Variants in LRRC4C observed in about 807,000 individuals in gnomAD.
LRRC4C encodes leucine-rich repeat-containing protein 4C.
Under a neutral mutation model 33.6 loss-of-function variants are expected in LRRC4C, and 5 were observed. That is an observed-to-expected ratio of 0.15 (90% confidence interval 0.08 to 0.31). The LOEUF is 0.31. Ranked by LOEUF, LRRC4C falls within the 10% of genes least tolerant of loss-of-function variation. LRRC4C has a pLI of 1.00. For synonymous variants in LRRC4C, 329 were observed against 302.0 expected (o/e 1.09, Z -0.93); for missense variants, 560 against 796.7 (o/e 0.70, Z 3.58).
chr11:40,520,658 A>T (rs1365501879), intron 3 of LRRC4C, among the ~76,000 whole-genome samples: 1 of 152,164 alleles, frequency 6.6e-6, no homozygotes, highest in African/African-American at 2.4e-5. Context: ...ATATAATGAA[A>T]AATTGAGAAT....
rs1855311747 is a variant in LRRC4C, at chr11:40,114,938, G to A, written c.1355C>T (p.Ser452Phe). 1.2e-6 allele frequency: 2 copies of A among 1,614,210 alleles called. No individual in the cohort carries two copies. The highest frequency in any genetic ancestry group is 1.7e-5 in the Admixed American group (1 of 60,020). ...CTCTACTGTGACGGTTGAAAAGTAA[G>A]AGAAAGGAGTAGTGGTTGCTGCAGT... ...NVTAATTTPF[S>F]YFSTVTVETM... The change falls in exon 7 of 7, where the codon TCT becomes TTT. Residue 452 changes from serine (S) to phenylalanine (F), a missense_variant. Coordinates refer to ENST00000528697, the MANE Select transcript of LRRC4C (RefSeq NM_001258419.2).
chr11:41,233,163 A>G (rs1440628142), intron 1 of LRRC4C, among the ~76,000 whole-genome samples: 1 of 152,004 alleles, frequency 6.6e-6, no homozygotes, highest in Admixed American at 6.6e-5. Context: ...CTTCCAAGGT[A>G]TTTTTACCAC....
At chr11:41,314,767 T>C (rs761446734) in intron 1 of LRRC4C, among the ~76,000 whole-genome samples, 1 of 152,118 alleles carries the variant, frequency 6.6e-6, no homozygotes, top group Admixed American at 6.5e-5. Context: ...CTACATATTG[T>C]GCACATGTAC....
At chr11:41,395,001 C>T (rs1953749346) in intron 1 of LRRC4C, among the ~76,000 whole-genome samples, 1 of 152,024 alleles carries the variant, frequency 6.6e-6, no homozygotes, top group South Asian at 2.1e-4. Flanking sequence ...GAACAGGGGG[C>T]AGCTAGGCTT....
In LRRC4C at chr11:40,390,581, G is replaced by A. The variant is rs556347781; in HGVS notation, c.-269-70860C>T. 3.3e-5 allele frequency among the ~76,000 whole-genome samples: 5 copies of A among 152,104 alleles called. No homozygotes were observed. In the South Asian group the frequency reaches 1.0e-3, roughly 32 times the overall value. ...TATATTAAGCCTTTTCTATTAATTA[G>A]GTCAAATAATCCTCACATTTTTCTT... On this transcript the variant is annotated intron_variant, in intron 3 of 6. Coordinates refer to ENST00000528697, the MANE Select transcript of LRRC4C (RefSeq NM_001258419.2).
At chr11:40,642,080 G>A (rs1220398982) in intron 3 of LRRC4C, among the ~76,000 whole-genome samples, 1 of 151,172 alleles carries the variant, frequency 6.6e-6, no homozygotes, top group Non-Finnish European at 1.5e-5. Flanking sequence ...GTCATGGGTG[G>A]GTGGGATTGA....
intron 3 of LRRC4C, among the ~76,000 whole-genome samples, chr11:40,371,741 TA>T (rs1948458629): frequency 6.6e-6 from 1 of 152,174 alleles, no homozygotes; most frequent in South Asian, 2.1e-4. Context: ...AAGAATATAA[TA>T]AGTGCTAGGA....
At chr11:41,191,475 T>A (rs1183092537) in intron 1 of LRRC4C, among the ~76,000 whole-genome samples, 1 of 152,116 alleles carries the variant, frequency 6.6e-6, no homozygotes, top group East Asian at 1.9e-4. Context: ...TGAATGGTAG[T>A]GAAAAGAAAA....
intron 1 of LRRC4C, among the ~76,000 whole-genome samples, chr11:41,135,361 G>A (rs1287567357): frequency 6.6e-6 from 1 of 152,142 alleles, no homozygotes; most frequent in Non-Finnish European, 1.5e-5. Flanking sequence ...GAAGGAGAGA[G>A]AGAGAGGGTA....
chr11:40,636,786 CCA>C (rs1941777483), intron 3 of LRRC4C, among the ~76,000 whole-genome samples: 1 of 151,988 alleles, frequency 6.6e-6, no homozygotes, highest in South Asian at 2.1e-4. Flanking sequence ...ATGAAAATGT[CCA>C]CAGTCATTTC....
intron 3 of LRRC4C, among the ~76,000 whole-genome samples, chr11:40,551,440 C>A (rs1458249680): frequency 1.3e-5 from 2 of 151,960 alleles, no homozygotes; most frequent in Non-Finnish European, 2.9e-5. Context: ...ATTTAATGAC[C>A]ACCTGCTATA....
intron 2 of LRRC4C, among the ~76,000 whole-genome samples, chr11:40,741,866 T>C (rs1260001021): frequency 6.6e-6 from 1 of 152,030 alleles, no homozygotes; most frequent in Non-Finnish European, 1.5e-5. Context: ...TTATAAACAT[T>C]GGTTTTAATA....
At chr11:41,111,408 A>G (rs1941823347) in intron 1 of LRRC4C, among the ~76,000 whole-genome samples, 1 of 152,082 alleles carries the variant, frequency 6.6e-6, no homozygotes, top group Admixed American at 6.6e-5. Context: ...TTCTGTGAAC[A>G]TAGCTTTGAA....
At chr11:41,385,537 AAAC>A (rs547225168) in intron 1 of LRRC4C, among the ~76,000 whole-genome samples, 39 of 151,840 alleles carry the variant, frequency 2.6e-4, no homozygotes, top group Admixed American at 1.3e-3. Context: ...GAAGAAATAC[AAAC>A]AATAGTAATT....
chr11:40,658,201 AG>A (rs1289853603), intron 2 of LRRC4C, among the ~76,000 whole-genome samples: 1 of 152,216 alleles, frequency 6.6e-6, no homozygotes, highest in Non-Finnish European at 1.5e-5. Context: ...GTCCCATAGT[AG>A]GCAAATGTGG....
intron 3 of LRRC4C, among the ~76,000 whole-genome samples, chr11:40,554,012 T>C (rs1957232171): frequency 6.6e-6 from 1 of 152,190 alleles, no homozygotes; most frequent in Admixed American, 6.5e-5. Context: ...AGTCATAAAT[T>C]CTTTGCTGAT....
chr11:40,710,237 C>T (rs771454336), intron 2 of LRRC4C, among the ~76,000 whole-genome samples: 16 of 152,210 alleles, frequency 1.1e-4, no homozygotes, highest in Non-Finnish European at 2.1e-4. Flanking sequence ...CCGTTGTTGG[C>T]GAGGAGCTCG....
intron 3 of LRRC4C, among the ~76,000 whole-genome samples, chr11:40,554,299 T>G (rs1957245255): frequency 6.6e-6 from 1 of 152,230 alleles, no homozygotes; most frequent in African/African-American, 2.4e-5. Context: ...TAGATCTATG[T>G]GTCTACTTTT....
intron 1 of LRRC4C, among the ~76,000 whole-genome samples, chr11:41,090,888 C>G (rs762806706): frequency 6.6e-6 from 1 of 152,126 alleles, no homozygotes; most frequent in Admixed American, 6.5e-5. Flanking sequence ...GCCTCCTCAG[C>G]CAGGCAGAAC....
Sources: allele counts gnomAD v4.1 joint callset (sites outside exome capture counted in the v4.1 genomes callset), GRCh38; gene constraint gnomAD v4.1.1; transcripts MANE v1.5; gene names NCBI Gene and HGNC (gene_info 2026-07-23, HGNC 2026-07-21).